KHDRBS2: variants seen among roughly 807,000 people sequenced by gnomAD.
KHDRBS2 encodes KH domain-containing, RNA-binding, signal transduction-associated protein 2.
In KHDRBS2, 26 loss-of-function variants were observed where a neutral mutation model predicts 44.3. That is an observed-to-expected ratio of 0.59 (90% CI 0.43 to 0.81). The LOEUF (loss-of-function observed/expected upper bound fraction) is 0.81. KHDRBS2 is among the 40% of genes least tolerant of loss of function. The pLI is 0.00. For missense variants in KHDRBS2, 476 were observed against 433.1 expected (o/e 1.10, Z -0.88); for synonymous variants, 194 against 151.1 (o/e 1.28, Z -2.08).
intron 2 of KHDRBS2, among the ~76,000 whole-genome samples, chr6:62,071,883 C>A (rs1795200723): frequency 6.6e-6 from 1 of 152,086 alleles, no homozygotes; most frequent in South Asian, 2.1e-4. Context: ...TGAAGAAAGT[C>A]ATTGGTAGCT....
chr6:61,839,965 T>C (rs773764492), intron 6 of KHDRBS2, among the ~76,000 whole-genome samples: 3 of 152,140 alleles, frequency 2.0e-5, no homozygotes, highest in Non-Finnish European at 4.4e-5. Flanking sequence ...AAATAGTGCA[T>C]ATTATTTATG....
At chr6:61,697,330 G>C in intron 7 of KHDRBS2, 77 bp from the exon 8 acceptor site, 1 of 874,038 alleles carries the variant, frequency 1.1e-6, no homozygotes, top group Non-Finnish European at 2.0e-6. Flanking sequence ...GAATTTGAAG[G>C]CAAAATGTGT....
chr6:61,681,175 G>C (rs748686704), intron 8 of KHDRBS2, 115 bp from the exon 9 acceptor site: 5 of 678,900 alleles, frequency 7.4e-6, no homozygotes, highest in Non-Finnish European at 1.3e-5. Context: ...AACACCGAAC[G>C]CTAAAGCCTA....
chr6:61,819,157 C>T (rs1195039243), intron 6 of KHDRBS2, among the ~76,000 whole-genome samples: 1 of 151,450 alleles, frequency 6.6e-6, no homozygotes, highest in East Asian at 1.9e-4. Flanking sequence ...TTTTGAAAGG[C>T]AGGAGGTATT....
chr6:61,768,297 T>A (rs1419270489), intron 6 of KHDRBS2, among the ~76,000 whole-genome samples: 1 of 152,142 alleles, frequency 6.6e-6, no homozygotes, highest in Non-Finnish European at 1.5e-5. Context: ...TTATCCTTGA[T>A]CTTTGGGAGT....
intron 1 of KHDRBS2, among the ~76,000 whole-genome samples, chr6:62,195,019 G>T (rs547946917): frequency 6.6e-6 from 1 of 151,946 alleles, no homozygotes; most frequent in Non-Finnish European, 1.5e-5. Context: ...ATCAGTAAGG[G>T]ATATTATCAT....
intron 1 of KHDRBS2, among the ~76,000 whole-genome samples, chr6:62,208,728 C>T (rs1447719375): frequency 2.0e-5 from 3 of 152,170 alleles, no homozygotes; most frequent in Admixed American, 2.0e-4. Flanking sequence ...TTTATCCACA[C>T]CCTTGCCAAC....
intron 4 of KHDRBS2, among the ~76,000 whole-genome samples, chr6:61,940,155 T>C (rs915676571): frequency 2.0e-5 from 3 of 151,900 alleles, no homozygotes. Context: ...AAAATATATT[T>C]AACGGAACAA....
the KHDRBS2 span, among the ~76,000 whole-genome samples, chr6:61,600,110 GATTT>G: frequency 6.6e-6 from 1 of 152,088 alleles, no homozygotes; most frequent in East Asian, 1.9e-4. Context: ...GACAAATAGT[GATTT>G]ATTTATTTAT....
rs1348958653 is a variant in KHDRBS2 at position 61,962,666 on chromosome 6, T to C, written c.483+15400A>G. 3.3e-5 allele frequency among the ~76,000 whole-genome samples: 5 copies of C among 152,044 alleles called. No homozygotes were observed. The South Asian group carries it at 6.2e-4, about 19-fold the overall frequency. On this transcript the variant is annotated intron_variant, in intron 4 of 8. Coordinates refer to ENST00000281156, the MANE Select transcript of KHDRBS2 (RefSeq NM_152688.4). Reference sequence around the variant, plus strand: ...CAATCAATAAATTAGGATAAATAAATCTGGAGGATAACTGTCAAAAATGAT... The same window carrying C: ...CAATCAATAAATTAGGATAAATAAACCTGGAGGATAACTGTCAAAAATGAT...
Position 62,256,140 on chromosome 6 carries a change from G to GAA in KHDRBS2, c.91+29716_91+29717dup, listed in dbSNP as rs70996213. 1.8e-3 allele frequency among the ~76,000 whole-genome samples: 263 copies of GAA among 149,776 alleles called. 1 individual carries two copies. The highest frequency in any genetic ancestry group is 3.1e-3 in the Non-Finnish European group (207 of 67,422). Reference sequence around the variant, plus strand: ...ACAGAGTGAGACTCCAACTCCGAAAGAAAAAAAAACCCTCAAAACAATAAT... The same window carrying GAA: ...ACAGAGTGAGACTCCAACTCCGAAAGAAAAAAAAAAACCCTCAAAACAATAAT... On this transcript the variant is annotated intron_variant, in intron 1 of 8. Transcript: ENST00000281156.
At chr6:62,053,014 T>C (rs950459760) in intron 2 of KHDRBS2, among the ~76,000 whole-genome samples, 8 of 152,144 alleles carry the variant, frequency 5.3e-5, no homozygotes, top group African/African-American at 1.4e-4. Context: ...AAAAAAATAA[T>C]GGGTAACTGC....
At chr6:62,093,035 T>C (rs1235445513) in intron 2 of KHDRBS2, among the ~76,000 whole-genome samples, 4 of 152,074 alleles carry the variant, frequency 2.6e-5, no homozygotes, top group Non-Finnish European at 4.4e-5. Flanking sequence ...ATGTTACTTA[T>C]TTTGTGTATC....
At chr6:61,561,155 T>C in the KHDRBS2 span, among the ~76,000 whole-genome samples, 1 of 152,162 alleles carries the variant, frequency 6.6e-6, no homozygotes, top group Non-Finnish European at 1.5e-5. Context: ...ACTTGTCTTC[T>C]CTTCCCTTAC....
intron 6 of KHDRBS2, among the ~76,000 whole-genome samples, chr6:61,847,759 G>A (rs756867849): frequency 1.3e-5 from 2 of 152,024 alleles, no homozygotes; most frequent in African/African-American, 2.4e-5. Flanking sequence ...GAGGGTTTCC[G>A]GATTGGGAGA....
In KHDRBS2 at chr6:61,680,708, C is replaced by T. The variant is rs1766206516; in HGVS notation, c.*255G>A. On this transcript the variant is annotated 3_prime_UTR_variant, in exon 9 of 9. Transcript: ENST00000281156. Reference sequence around the variant, plus strand: ...CAATGAAAAACAACCAAGAGAATATCATCCTACTGAAAGGTTTATAGACTA... The same window carrying T: ...CAATGAAAAACAACCAAGAGAATATTATCCTACTGAAAGGTTTATAGACTA... 3.7e-6 allele frequency: 1 copy of T among 267,348 alleles called. No individual in the cohort carries two copies. The allele number at this position is 267,348 out of a possible 1,614,324, so 16.6% of individuals were successfully genotyped here.
intron 3 of KHDRBS2, among the ~76,000 whole-genome samples, chr6:62,026,435 A>T (rs1336376270): frequency 6.4e-5 from 9 of 140,274 alleles, no homozygotes; most frequent in African/African-American, 1.8e-4. Flanking sequence ...TATTATTATT[A>T]TTATTTTTTT....
intron 7 of KHDRBS2, among the ~76,000 whole-genome samples, chr6:61,700,027 AG>A (rs1768403224): frequency 6.6e-6 from 1 of 151,996 alleles, no homozygotes; most frequent in South Asian, 2.1e-4. Flanking sequence ...ATATAGGGGT[AG>A]CAAATTCCTG....
intron 8 of KHDRBS2, among the ~76,000 whole-genome samples, chr6:61,681,664 T>C (rs1163253203): frequency 6.6e-6 from 1 of 151,876 alleles, no homozygotes; most frequent in East Asian, 1.9e-4. Flanking sequence ...ATATCAGTTT[T>C]TCCAAGTAAA....
Sources: allele counts gnomAD v4.1 joint callset (sites outside exome capture counted in the v4.1 genomes callset), GRCh38; gene constraint gnomAD v4.1.1; transcripts MANE v1.5; gene names NCBI Gene and HGNC (gene_info 2026-07-23, HGNC 2026-07-21).